Variants in IL1RAPL1 observed in about 807,000 individuals in gnomAD.
IL1RAPL1 encodes the protein interleukin 1 receptor accessory protein like 1.
IL1RAPL1 carries 3 observed loss-of-function variants against 48.4 expected under a neutral mutation model. That is an observed-to-expected ratio of 0.06 (90% CI 0.03 to 0.16). The LOEUF (loss-of-function observed/expected upper bound fraction) is 0.16. Ranked by LOEUF, IL1RAPL1 falls within the 10% of genes least tolerant of loss-of-function variation. IL1RAPL1 has a pLI of 1.00. For synonymous variants in IL1RAPL1, 185 were observed against 187.7 expected (o/e 0.99, Z 0.12); for missense variants, 349 against 530.6 (o/e 0.66, Z 3.36).
chrX:28,831,329 G>T (rs937719747), intron 2 of IL1RAPL1, among the ~76,000 whole-genome samples: 2 of 105,068 alleles, frequency 1.9e-5, no homozygotes, highest in Non-Finnish European at 3.9e-5. Flanking sequence ...TGTCCCATGT[G>T]GCTTCACCAC....
At chrX:29,433,474 A>G (rs1602232795) in intron 5 of IL1RAPL1, among the ~76,000 whole-genome samples, 1 of 111,074 alleles carries the variant, frequency 9.0e-6, no homozygotes, top group Non-Finnish European at 1.9e-5. Flanking sequence ...GTCGTATCAC[A>G]TTTGTGCATT....
At chrX:29,399,086 G>C in intron 4 of IL1RAPL1, 69 bp from the exon 5 acceptor site, 1 of 866,410 alleles carries the variant, frequency 1.2e-6, no homozygotes, top group Non-Finnish European at 1.7e-6. Flanking sequence ...TTTTGTTTTA[G>C]TTATTTAAAA....
intron 3 of IL1RAPL1, among the ~76,000 whole-genome samples, chrX:29,333,690 T>G (rs781608387): frequency 6.1e-5 from 2 of 33,009 alleles, no homozygotes; most frequent in South Asian, 1.5e-3. Flanking sequence ...CCGGACTGGG[T>G]GGCTGGCCGG....
intron 2 of IL1RAPL1, among the ~76,000 whole-genome samples, chrX:29,254,243 G>A (rs1931716167): frequency 9.0e-6 from 1 of 111,433 alleles, no homozygotes; most frequent in South Asian, 3.7e-4. Flanking sequence ...AGATATAGGT[G>A]TCCTGTCTTA....
At chrX:28,741,975 G>A (rs868448760) in intron 1 of IL1RAPL1, among the ~76,000 whole-genome samples, 12 of 111,233 alleles carry the variant, frequency 1.1e-4, no homozygotes, top group Middle Eastern at 4.7e-3. Flanking sequence ...CAAACTAGTG[G>A]TATTCTTTAT....
intron 2 of IL1RAPL1, among the ~76,000 whole-genome samples, chrX:29,263,864 C>T (rs914777905): frequency 1.1e-5 from 1 of 92,562 alleles, no homozygotes; most frequent in African/African-American, 4.5e-5. Context: ...TCTCTCTCCC[C>T]CCCCCCCGCT....
chrX:29,490,824 C>T (rs1327270969), intron 5 of IL1RAPL1, among the ~76,000 whole-genome samples: 1 of 82,417 alleles, frequency 1.2e-5, no homozygotes, highest in Non-Finnish European at 2.1e-5. Flanking sequence ...CACAGTTACT[C>T]ATCTGAGGTA....
At chrX:29,678,440 C>T (rs1406224431) in intron 6 of IL1RAPL1, among the ~76,000 whole-genome samples, 4 of 101,628 alleles carry the variant, frequency 3.9e-5, no homozygotes, top group African/African-American at 1.5e-4. Context: ...CCACAAGCTC[C>T]GCCTCCCGGG....
chrX:29,865,907 C>T (rs1195740989), intron 6 of IL1RAPL1, among the ~76,000 whole-genome samples: 1 of 108,712 alleles, frequency 9.2e-6, no homozygotes, highest in Non-Finnish European at 1.9e-5. Context: ...GCCTCGGCCT[C>T]CCAAAGTGCT....
chrX:29,751,622 G>A (rs777506245), intron 6 of IL1RAPL1, among the ~76,000 whole-genome samples: 1 of 111,175 alleles, frequency 9.0e-6, no homozygotes, highest in South Asian at 3.8e-4. Flanking sequence ...TTTTAGGCAC[G>A]TAACTTCAAA....
intron 2 of IL1RAPL1, among the ~76,000 whole-genome samples, chrX:29,073,409 A>T (rs763384830): frequency 1.8e-5 from 2 of 111,616 alleles, no homozygotes; most frequent in African/African-American, 6.5e-5. Context: ...TTGCCAGACT[A>T]TTCTTCAGCT....
intron 2 of IL1RAPL1, among the ~76,000 whole-genome samples, chrX:29,058,304 G>T (rs1403058039): frequency 4.5e-5 from 5 of 110,635 alleles, no homozygotes; most frequent in African/African-American, 1.6e-4. Context: ...TTGAACCCGG[G>T]AGGCGGAGGT....
At chrX:29,082,773 A>C (rs950948580) in intron 2 of IL1RAPL1, among the ~76,000 whole-genome samples, 1 of 111,855 alleles carries the variant, frequency 8.9e-6, no homozygotes, top group Non-Finnish European at 1.9e-5. Context: ...GAGTCAGCAC[A>C]CAGCATAAGC....
intron 2 of IL1RAPL1, among the ~76,000 whole-genome samples, chrX:28,816,410 C>T (rs1936872248): frequency 3.6e-5 from 4 of 110,006 alleles, no homozygotes; most frequent in African/African-American, 3.3e-5. Context: ...CCTCCTTCCT[C>T]GAGTAGTCCC....
chrX:29,737,936 T>A (rs2147133633), intron 6 of IL1RAPL1, among the ~76,000 whole-genome samples: 1 of 112,624 alleles, frequency 8.9e-6, no homozygotes, highest in African/African-American at 3.2e-5. Flanking sequence ...GATTATTTTA[T>A]GGCTTAGAAG....
chrX:29,076,806 A>ATCTATCTATC lies in IL1RAPL1; in HGVS notation c.83-206130_83-206121dup, dbSNP rs763108370. On this transcript the variant is annotated intron_variant, in intron 2 of 10. Coordinates refer to ENST00000378993, the MANE Select transcript of IL1RAPL1 (RefSeq NM_014271.4). Reference sequence around the variant, plus strand: ...TGTCTGTCTGTCTGTCTGTCTGTCTATCTATCTATCTATCTATCTATCTAT... The same window carrying ATCTATCTATC: ...TGTCTGTCTGTCTGTCTGTCTGTCTATCTATCTATCTCTATCTATCTATCTATCTATCTAT... Among the ~76,000 whole-genome samples, 209 of 83,912 alleles carry ATCTATCTATC rather than the reference A, an allele frequency of 2.5e-3. 1 individual carries two copies. The highest frequency in any genetic ancestry group is 3.3e-3 in the South Asian group (4 of 1,221). The allele number at this position is 83,912 out of a possible 115,157, so 72.9% of individuals were successfully genotyped here. A position where few individuals can be genotyped will look rare whatever the true frequency, so the allele number is the denominator to read the frequency against.
In IL1RAPL1 at chrX:29,718,121, G is replaced by A. The variant is rs750728052; in HGVS notation, c.778+49617G>A. On this transcript the variant is annotated intron_variant, in intron 6 of 10. Transcript: ENST00000378993. ...GTACAGGATTGTCACGGATAAGGTC[G>A]GCTAGAAGCAGTTTGTGATAATGAT... Among the ~76,000 whole-genome samples the A allele has an allele frequency of 1.6e-4, 18 of 111,566 alleles. No individual in the cohort carries two copies. In the South Asian group the frequency reaches 4.6e-3, roughly 28 times the overall value.
At chrX:29,493,782 G>A (rs747587712) in intron 5 of IL1RAPL1, among the ~76,000 whole-genome samples, 3 of 111,545 alleles carry the variant, frequency 2.7e-5, no homozygotes, top group South Asian at 3.8e-4. Context: ...CACCCAAGTA[G>A]CGAGCATAGT....
At chrX:28,689,394 A>G (rs1318285033) in intron 1 of IL1RAPL1, among the ~76,000 whole-genome samples, 1 of 110,790 alleles carries the variant, frequency 9.0e-6, no homozygotes, top group East Asian at 2.9e-4. Flanking sequence ...CCACATGAAG[A>G]AGTACATGTT....
Sources: gnomAD v4.1 joint callset for allele counts (sites outside exome capture counted in the v4.1 genomes callset) on GRCh38, gnomAD v4.1.1 for gene constraint, MANE v1.5 for transcripts, NCBI Gene and HGNC (gene_info 2026-07-23, HGNC 2026-07-21) for gene names.